The following PRKCA variants were observed in gnomAD, a reference collection of about 807,000 sequenced individuals.
The protein encoded by PRKCA is protein kinase C alpha type.
PRKCA carries 27 observed loss-of-function variants against 87.0 expected under a neutral mutation model. The observed-to-expected ratio is 0.31, with a 90% confidence interval of 0.23 to 0.43. The LOEUF is 0.43. PRKCA is among the 20% of genes least tolerant of loss of function. The pLI is 1.00. For missense variants in PRKCA, 518 were observed against 852.3 expected (o/e 0.61, Z 4.88); for synonymous variants, 329 against 311.1 (o/e 1.06, Z -0.61).
At chr17:66,372,941 C>A (rs1909201910) in intron 2 of PRKCA, among the ~76,000 whole-genome samples, 1 of 152,080 alleles carries the variant, frequency 6.6e-6, no homozygotes, top group South Asian at 2.1e-4. Context: ...CCTATAATCC[C>A]AGCTACTTGG....
chr17:66,436,563 G>A (rs576203062), intron 2 of PRKCA, among the ~76,000 whole-genome samples: 1 of 152,328 alleles, frequency 6.6e-6, no homozygotes, highest in Admixed American at 6.5e-5. Flanking sequence ...ACATAGGTGT[G>A]GAACCAGTTA....
At chr17:66,613,466 G>C (rs1249178711) in intron 3 of PRKCA, among the ~76,000 whole-genome samples, 1 of 152,116 alleles carries the variant, frequency 6.6e-6, no homozygotes, top group Non-Finnish European at 1.5e-5. Flanking sequence ...TACCAAACTC[G>C]TTTTCTTAAA....
rs142361337 is a variant in PRKCA, at chr17:66,589,525, T to A, written c.289-51830T>A. 3.1e-3 allele frequency among the ~76,000 whole-genome samples: 474 copies of A among 152,304 alleles called. 4 individuals are homozygous for A. Among genetic ancestry groups the A allele is most frequent in the African/African-American group, 0.011 (440 of 41,566 alleles). ...ATGTGGCTGATTTCCATTTTTTTAC[T>A]ATAAGGAGCAATCTTTAAGTGAACC... On this transcript the variant is annotated intron_variant, in intron 3 of 16. Coordinates refer to ENST00000413366, the MANE Select transcript of PRKCA (RefSeq NM_002737.3).
chr17:66,523,855 A>C (rs575310544), intron 3 of PRKCA, among the ~76,000 whole-genome samples: 29 of 152,306 alleles, frequency 1.9e-4, no homozygotes, highest in African/African-American at 6.7e-4. Flanking sequence ...AATGAACAGA[A>C]TTGCCTTCTG....
At chr17:66,746,975 G>A (rs568658182) in intron 13 of PRKCA, among the ~76,000 whole-genome samples, 1 of 152,322 alleles carries the variant, frequency 6.6e-6, no homozygotes, top group African/African-American at 2.4e-5. Flanking sequence ...AGAAAGAGAA[G>A]CAGGAAGAGT....
intron 2 of PRKCA, among the ~76,000 whole-genome samples, chr17:66,402,721 G>T (rs780001019): frequency 2.0e-5 from 3 of 150,642 alleles, no homozygotes; most frequent in Non-Finnish European, 4.4e-5. Flanking sequence ...ATTTACCAGA[G>T]CACTGAGATG....
At chr17:66,641,614 A>G (rs1971299206) in intron 4 of PRKCA, 148 bp downstream of exon 4, 1 of 469,242 alleles carries the variant, frequency 2.1e-6, no homozygotes. Flanking sequence ...CAAAGTGTAG[A>G]TTCTTCCACT....
intron 8 of PRKCA, among the ~76,000 whole-genome samples, chr17:66,714,601 C>G (rs761304960): frequency 6.6e-6 from 1 of 152,194 alleles, no homozygotes; most frequent in East Asian, 1.9e-4. Flanking sequence ...ATGGCTGTGG[C>G]GAGACTACTC....
intron 2 of PRKCA, among the ~76,000 whole-genome samples, chr17:66,374,647 A>G (rs575623201): frequency 6.8e-6 from 1 of 146,942 alleles, no homozygotes; most frequent in Admixed American, 6.8e-5. Context: ...GCTGCAGGGG[A>G]GGGATGTGAT....
chr17:66,602,836 G>T (rs1970089523), intron 3 of PRKCA, among the ~76,000 whole-genome samples: 1 of 152,166 alleles, frequency 6.6e-6, no homozygotes, highest in African/African-American at 2.4e-5. Flanking sequence ...AGTGTGCGCT[G>T]TGGGGGAGCC....
intron 5 of PRKCA, among the ~76,000 whole-genome samples, chr17:66,675,858 C>G (rs947259337): frequency 6.6e-6 from 1 of 152,168 alleles, no homozygotes; most frequent in African/African-American, 2.4e-5. Context: ...GGGTCCCACG[C>G]CAGCTGACCC....
At chr17:66,496,098 T>C (rs1916464296) in intron 2 of PRKCA, 103 bp from the exon 3 acceptor site, 1 of 846,308 alleles carries the variant, frequency 1.2e-6, no homozygotes. Context: ...CTGTCTGTAG[T>C]GAAATTAAAT....
intron 2 of PRKCA, among the ~76,000 whole-genome samples, chr17:66,362,354 T>C (rs984752117): frequency 6.6e-6 from 1 of 152,202 alleles, no homozygotes. Flanking sequence ...TTGAGCTCTT[T>C]CTCACCTGTA....
chr17:66,372,143 C>T (rs1909150287), intron 2 of PRKCA, among the ~76,000 whole-genome samples: 1 of 152,178 alleles, frequency 6.6e-6, no homozygotes, highest in Non-Finnish European at 1.5e-5. Flanking sequence ...AATGTGTCTT[C>T]TGCATCTGAG....
chr17:66,508,379 C>T lies in PRKCA; in HGVS notation c.288+12096C>T, dbSNP rs535401442. Among the ~76,000 whole-genome samples, 8 of 152,312 alleles carry T rather than the reference C, an allele frequency of 5.3e-5. No homozygotes were observed. In the East Asian group the frequency reaches 1.4e-3, roughly 26 times the overall value. Reference sequence around the variant, plus strand: ...GTCATGGCCACGAAGATAACACTGCCGTTGGGCGTTGCCGTGGTTCTGACT... The same window carrying T: ...GTCATGGCCACGAAGATAACACTGCTGTTGGGCGTTGCCGTGGTTCTGACT... On this transcript the variant is annotated intron_variant, in intron 3 of 16. Coordinates refer to ENST00000413366, the MANE Select transcript of PRKCA (RefSeq NM_002737.3).
chr17:66,645,363 T>C lies in PRKCA; in HGVS notation c.401-20T>C. 6.2e-7 allele frequency: 1 copy of C among 1,614,032 alleles called. No individual in the cohort carries two copies. The highest frequency in any genetic ancestry group is 8.5e-7 in the Non-Finnish European group (1 of 1,179,976). ...TGGAGTCCATATGCCCAGCTCACCCTCTCCTTTCTTGATTCACAGCCTGCG... is the reference window on the plus strand; with the variant it reads ...TGGAGTCCATATGCCCAGCTCACCCCCTCCTTTCTTGATTCACAGCCTGCG... On this transcript the variant is annotated intron_variant, in intron 4 of 16. Coordinates refer to ENST00000413366, the MANE Select transcript of PRKCA (RefSeq NM_002737.3).
At chr17:66,763,209 C>T (rs899665352) in intron 13 of PRKCA, among the ~76,000 whole-genome samples, 1 of 152,258 alleles carries the variant, frequency 6.6e-6, no homozygotes, top group Non-Finnish European at 1.5e-5. Context: ...ATCAGATCCA[C>T]TACTTCTCCA....
chr17:66,688,551 C>T, intron 7 of PRKCA, 115 bp downstream of exon 7: 2 of 1,379,372 alleles, frequency 1.4e-6, no homozygotes, highest in Admixed American at 4.1e-5. Context: ...GCTTGTAATC[C>T]CAGCACTTCA....
At chr17:66,556,254 G>C (rs548410976) in intron 3 of PRKCA, among the ~76,000 whole-genome samples, 32 of 150,872 alleles carry the variant, frequency 2.1e-4, no homozygotes, top group African/African-American at 7.8e-4. Context: ...ATATGCATTT[G>C]TACCTGGAGT....
Sources: allele counts gnomAD v4.1 joint callset (sites outside exome capture counted in the v4.1 genomes callset), GRCh38; gene constraint gnomAD v4.1.1; transcripts MANE v1.5; gene names NCBI Gene and HGNC (gene_info 2026-07-23, HGNC 2026-07-21).